The following HS3ST3A1 variants were observed in gnomAD, a reference collection of about 807,000 sequenced individuals.
HS3ST3A1 encodes heparan sulfate-glucosamine 3-sulfotransferase 3A1, also known as heparan sulfate glucosamine 3-O-sulfotransferase 3A1.
In HS3ST3A1, 19 loss-of-function variants were observed where a neutral mutation model predicts 25.7. That is an observed-to-expected ratio of 0.74 (90% CI 0.52 to 1.08). The LOEUF (loss-of-function observed/expected upper bound fraction) is 1.08, where lower values mean the gene tolerates loss of function less well. Among genes scored for constraint, HS3ST3A1 ranks in the 50% least tolerant of loss-of-function variants. The pLI is 0.00. For missense variants in HS3ST3A1, 459 were observed against 594.3 expected, an observed-to-expected ratio of 0.77 and a Z score of 2.37; for synonymous variants, 226 against 278.6, an observed-to-expected ratio of 0.81 and a Z score of 1.88.
chr17:13,564,719 CTTTTTT>C (rs397812904), intron 1 of HS3ST3A1, among the ~76,000 whole-genome samples: 1 of 124,322 alleles, frequency 8.0e-6, no homozygotes, highest in African/African-American at 3.1e-5. Flanking sequence ...GACTTCTTTC[CTTTTTT>C]TTTTTTTTTT....
Position 13,496,497 on chromosome 17 carries a change from C to T in HS3ST3A1, c.921G>A (p.Met307Ile), listed in dbSNP as rs562831509. ...TGAGCCGCTCGCCGCTCACGAAGAG[C>T]ATCTGGCGGATGGGGAAGTGGCGCA... ...HWLRHFPIRQ[M>I]LFVSGERLIS... is the part of the protein sequence containing the mutation. Residue 307 changes from methionine to isoleucine, a missense_variant, in exon 2 of 2, where the codon ATG becomes ATA. Met to Ile is a conservative substitution (Grantham distance 10, BLOSUM62 1). Around this residue, in one of 3 missense-constraint regions of HS3ST3A1, gnomAD observed 67 missense variants for 231.4 expected, o/e 0.29. Transcript: ENST00000284110. 8.3e-6 allele frequency: 12 copies of T among 1,441,526 alleles called. No homozygotes were observed. Among genetic ancestry groups the T allele is most frequent in the Non-Finnish European group, 1.1e-5 (12 of 1,053,988 alleles). The allele number at this position is 1,441,526 out of a possible 1,614,324, so 89.3% of individuals were successfully genotyped here.
At chr17:13,506,468 C>T (rs1283411132) in intron 1 of HS3ST3A1, among the ~76,000 whole-genome samples, 2 of 152,136 alleles carry the variant, frequency 1.3e-5, no homozygotes, top group Admixed American at 6.5e-5. Flanking sequence ...TAAGGCTCCA[C>T]CAATCACATC....
chr17:13,578,562 C>CAAAA (rs536270780), intron 1 of HS3ST3A1, among the ~76,000 whole-genome samples: 6 of 85,828 alleles, frequency 7.0e-5, no homozygotes, highest in Non-Finnish European at 1.2e-4. Context: ...GACTCCATCT[C>CAAAA]AAAAAAAAAA....
At chr17:13,593,798 G>T (rs1908500505) in intron 1 of HS3ST3A1, among the ~76,000 whole-genome samples, 1 of 152,074 alleles carries the variant, frequency 6.6e-6, no homozygotes, top group African/African-American at 2.4e-5. Flanking sequence ...ATCATCTTAG[G>T]GGATATCATA....
At chr17:13,566,510 C>G (rs1030438894) in intron 1 of HS3ST3A1, among the ~76,000 whole-genome samples, 17 of 152,094 alleles carry the variant, frequency 1.1e-4, no homozygotes, top group African/African-American at 3.9e-4. Flanking sequence ...AAATCAAAAG[C>G]CAGAAATGAT....
At chr17:13,527,029 A>G (rs1365625890) in intron 1 of HS3ST3A1, among the ~76,000 whole-genome samples, 1 of 152,090 alleles carries the variant, frequency 6.6e-6, no homozygotes, top group Non-Finnish European at 1.5e-5. Flanking sequence ...TGAGAATCCC[A>G]TTTCCAGAGA....
At chr17:13,542,846 C>T (rs1598420860) in intron 1 of HS3ST3A1, among the ~76,000 whole-genome samples, 1 of 152,246 alleles carries the variant, frequency 6.6e-6, no homozygotes, top group East Asian at 1.9e-4. Context: ...CCACCACACA[C>T]ACACCTCTGG....
chr17:13,584,903 C>G (rs1218396673), intron 1 of HS3ST3A1, among the ~76,000 whole-genome samples: 1 of 152,138 alleles, frequency 6.6e-6, no homozygotes, highest in African/African-American at 2.4e-5. Context: ...TGTCTTCTGA[C>G]ACATTTCCAT....
intron 1 of HS3ST3A1, among the ~76,000 whole-genome samples, chr17:13,506,748 C>T (rs548536861): frequency 2.6e-4 from 39 of 152,070 alleles, no homozygotes; most frequent in Non-Finnish European, 4.6e-4. Context: ...GTGCCTGACA[C>T]GTTGAAATGA....
chr17:13,585,868 C>T (rs59129335), intron 1 of HS3ST3A1, among the ~76,000 whole-genome samples: 2,066 of 65,882 alleles, frequency 0.031, 156 homozygotes, highest in African/African-American at 0.056. Flanking sequence ...TTTTTTTTTT[C>T]TGACAGAGTC....
chr17:13,535,715 T>G (rs758986080), intron 1 of HS3ST3A1, among the ~76,000 whole-genome samples: 4 of 152,234 alleles, frequency 2.6e-5, no homozygotes, highest in Admixed American at 6.5e-5. Context: ...GGGATGTCTG[T>G]TCTTCCAAAT....
At chr17:13,551,054 G>A (rs749293468) in intron 1 of HS3ST3A1, among the ~76,000 whole-genome samples, 35 of 104,826 alleles carry the variant, frequency 3.3e-4, no homozygotes, top group Middle Eastern at 7.0e-3. Flanking sequence ...GCGACAGAGC[G>A]AGACTCTGTC....
intron 1 of HS3ST3A1, among the ~76,000 whole-genome samples, chr17:13,508,357 C>A (rs939009856): frequency 2.0e-5 from 3 of 152,180 alleles, no homozygotes; most frequent in African/African-American, 7.2e-5. Context: ...TTTTGGGGAA[C>A]CTCATGAAAA....
At chr17:13,523,436 A>C (rs2142321651) in intron 1 of HS3ST3A1, among the ~76,000 whole-genome samples, 1 of 152,354 alleles carries the variant, frequency 6.6e-6, no homozygotes, top group African/African-American at 2.4e-5. Context: ...TGTCATATGG[A>C]AGAGGAAACG....
intron 1 of HS3ST3A1, among the ~76,000 whole-genome samples, chr17:13,500,064 A>AT (rs35991739): frequency 2.6e-5 from 4 of 151,962 alleles, no homozygotes; most frequent in East Asian, 1.9e-4. Context: ...GGGATATAAA[A>AT]TTTTTTTTCA....
In HS3ST3A1 at chr17:13,597,033, A is replaced by T. The variant is rs1908596135; in HGVS notation, c.599+3498T>A. On this transcript the variant is annotated intron_variant, in intron 1 of 1. Transcript: ENST00000284110. ...TCTTTGATCTTCCTGTATGCTCTAG[A>T]ATAAAATGATTCTAGTGATGTCCTT... is the stretch of plus-strand genomic sequence containing the variant. Among the ~76,000 whole-genome samples the T allele has an allele frequency of 2.6e-5, 4 of 152,146 alleles. No homozygotes were observed. The South Asian group carries it at 8.3e-4, about 32-fold the overall frequency.
At chr17:13,561,272 C>T (rs1172794628) in intron 1 of HS3ST3A1, among the ~76,000 whole-genome samples, 2 of 152,142 alleles carry the variant, frequency 1.3e-5, no homozygotes. Flanking sequence ...GTATTCTTGT[C>T]CACCCCTACC....
chr17:13,597,427 A>G (rs1473573417), intron 1 of HS3ST3A1, among the ~76,000 whole-genome samples: 1 of 152,144 alleles, frequency 6.6e-6, no homozygotes, highest in African/African-American at 2.4e-5. Context: ...AAGCTAAGGA[A>G]ACTTTTTCCT....
intron 1 of HS3ST3A1, among the ~76,000 whole-genome samples, chr17:13,539,830 C>A (rs1399487555): frequency 6.6e-6 from 1 of 152,170 alleles, no homozygotes; most frequent in African/African-American, 2.4e-5. Flanking sequence ...GAAGGGTCCT[C>A]AGAAAAAAAT....
Sources: gnomAD v4.1 joint callset for allele counts (sites outside exome capture counted in the v4.1 genomes callset) on GRCh38, gnomAD v4.1.1 for gene constraint, gnomAD v4.1.1 regional missense constraint, MANE v1.5 for transcripts, NCBI Gene and HGNC (gene_info 2026-07-23, HGNC 2026-07-21) for gene names.